UQCC6: variants seen among roughly 807,000 people sequenced by gnomAD.
The protein encoded by UQCC6 is protein BRAWNIN.
the UQCC6 span, among the ~76,000 whole-genome samples, chr12:103,956,046 G>A: frequency 6.6e-6 from 1 of 152,146 alleles, no homozygotes; most frequent in Non-Finnish European, 1.5e-5. Flanking sequence ...GAAGCAAACT[G>A]ACAAAGAACA....
the UQCC6 span, chr12:103,953,683 C>G: frequency 1.5e-6 from 1 of 661,188 alleles, no homozygotes; most frequent in East Asian, 2.7e-5. Flanking sequence ...ACAGAGATAC[C>G]CCATTGCCAA....
chr12:103,956,376 G>T, the UQCC6 span: 1 of 368,918 alleles, frequency 2.7e-6, no homozygotes, highest in Admixed American at 4.2e-5. Context: ...TAGGCCACAG[G>T]TAGGCAGCGG....
chr12:103,956,697 G>C, the UQCC6 span: 1 of 1,551,732 alleles, frequency 6.4e-7, no homozygotes. Flanking sequence ...GACTGGCTGC[G>C]AACATTTTCA....
chr12:103,956,450 G>GT, the UQCC6 span: 1 of 569,090 alleles, frequency 1.8e-6, no homozygotes, highest in Non-Finnish European at 3.2e-6. Context: ...CCATCCAAAG[G>GT]TTTTGGGCCC....
chr12:103,954,957 C>A, the UQCC6 span: 1 of 701,434 alleles, frequency 1.4e-6, no homozygotes, highest in Non-Finnish European at 2.6e-6. Flanking sequence ...CTCTTCTCAA[C>A]CTGTTTCTCA....
chr12:103,953,352 G>C, the UQCC6 span: 1 of 701,414 alleles, frequency 1.4e-6, no homozygotes, highest in South Asian at 1.5e-5. Context: ...CTTTCAACCT[G>C]AACTACAACA....
chr12:103,956,272 C>T, the UQCC6 span: 1 of 188,494 alleles, frequency 5.3e-6, no homozygotes, highest in Non-Finnish European at 1.1e-5. Context: ...AAAAGAATGG[C>T]CTCGAAATGG....
chr12:103,958,077 G>A, the UQCC6 span, among the ~76,000 whole-genome samples: 1 of 145,438 alleles, frequency 6.9e-6, no homozygotes, highest in Non-Finnish European at 1.5e-5. Context: ...TTAGCCGGGC[G>A]TGGTGGCAGA....
At chr12:103,954,704 A>G in the UQCC6 span, 438,600 of 484,358 alleles carry the variant, frequency 0.91, 198,843 homozygotes, top group East Asian at 1. Context: ...GAGAAGTAGT[A>G]AAGGATATTC....
the UQCC6 span, among the ~76,000 whole-genome samples, chr12:103,951,964 A>G: frequency 6.6e-6 from 1 of 152,194 alleles, no homozygotes; most frequent in South Asian, 2.1e-4. Flanking sequence ...CTGACTCTCT[A>G]CCATGTGCCT....
the UQCC6 span, among the ~76,000 whole-genome samples, chr12:103,958,562 C>A: frequency 1.5e-3 from 228 of 152,280 alleles, no homozygotes; most frequent in African/African-American, 5.3e-3. Flanking sequence ...ACCGTATGTA[C>A]TATTTTTTGT....
At chr12:103,965,418 C>T in the UQCC6 span, 1 of 152,186 alleles carries the variant, frequency 6.6e-6, no homozygotes, top group Non-Finnish European at 1.5e-5. Context: ...TTACATTCAC[C>T]CTCATTTCAC....
the UQCC6 span, among the ~76,000 whole-genome samples, chr12:103,958,551 T>C: frequency 6.6e-6 from 1 of 152,234 alleles, no homozygotes; most frequent in Non-Finnish European, 1.5e-5. Context: ...AATAGAATTA[T>C]ACCGTATGTA....
the UQCC6 span, among the ~76,000 whole-genome samples, chr12:103,955,370 C>T: frequency 0.31 from 46,666 of 151,952 alleles, 8,129 homozygotes; most frequent in Non-Finnish European, 0.38. Flanking sequence ...GGCACAGTGG[C>T]TCACACCTGT....
chr12:103,964,160 TTTTTTTTTTTG>T, the UQCC6 span, among the ~76,000 whole-genome samples: 3 of 55,320 alleles, frequency 5.4e-5, no homozygotes, highest in East Asian at 1.8e-3. Flanking sequence ...TTTTTTTTTT[TTTTTTTTTTTG>T]AGACGGAGTC....
the UQCC6 span, among the ~76,000 whole-genome samples, chr12:103,955,335 A>G: frequency 6.8e-6 from 1 of 146,900 alleles, no homozygotes; most frequent in South Asian, 2.2e-4. Flanking sequence ...AAAATAAAAC[A>G]TAAGTGCAAA....
At chr12:103,964,697 CTT>C in the UQCC6 span, among the ~76,000 whole-genome samples, 1 of 152,198 alleles carries the variant, frequency 6.6e-6, no homozygotes, top group Non-Finnish European at 1.5e-5. Flanking sequence ...TGCTGTAAGA[CTT>C]TTCTAGACGA....
At chr12:103,964,038 G>A in the UQCC6 span, among the ~76,000 whole-genome samples, 1 of 149,566 alleles carries the variant, frequency 6.7e-6, no homozygotes, top group Non-Finnish European at 1.5e-5. Context: ...GCAGGATGTT[G>A]AGAGAGAGAC....
At chr12:103,962,541 T>C in the UQCC6 span, among the ~76,000 whole-genome samples, 1 of 152,058 alleles carries the variant, frequency 6.6e-6, no homozygotes, top group African/African-American at 2.4e-5. Flanking sequence ...AGGGAAGAGG[T>C]GGAAGCTCTT....
Sources: allele counts gnomAD v4.1 joint callset (sites outside exome capture counted in the v4.1 genomes callset), GRCh38; gene constraint gnomAD v4.1.1; transcripts MANE v1.5; gene names NCBI Gene and HGNC (gene_info 2026-07-23, HGNC 2026-07-21).